The following EEF1E1 variants were observed in gnomAD, a reference collection of about 807,000 sequenced individuals.
EEF1E1 encodes eukaryotic translation elongation factor 1 epsilon 1, also known as eukaryotic translation elongation factor 1 epsilon-1.
Under a neutral mutation model 19.9 loss-of-function variants are expected in EEF1E1, and 19 were observed. That is an observed-to-expected ratio of 0.95 (90% CI 0.66 to 1.40). The LOEUF is 1.40. Among genes scored for constraint, EEF1E1 ranks in the 40% most tolerant of loss-of-function variants. The pLI, the probability that EEF1E1 is intolerant of heterozygous loss-of-function variation, is 0.00. For synonymous variants in EEF1E1, 81 were observed against 80.0 expected (o/e 1.01, Z -0.07); for missense variants, 198 against 202.2 (o/e 0.98, Z 0.13).
chr6:8,092,138 AATC>A (rs1758027925), intron 2 of EEF1E1, among the ~76,000 whole-genome samples: 1 of 152,146 alleles, frequency 6.6e-6, no homozygotes, highest in Admixed American at 6.6e-5. Context: ...TCCAGGACCT[AATC>A]ACCCCCAAAG....
chr6:8,100,053 T>C (rs1019543621), intron 1 of EEF1E1, among the ~76,000 whole-genome samples: 1 of 152,164 alleles, frequency 6.6e-6, no homozygotes, highest in African/African-American at 2.4e-5. Flanking sequence ...CTGAATCTTA[T>C]CACATATGGC....
In EEF1E1 at chr6:8,090,126, A is replaced by C. The variant is rs761429912; in HGVS notation, c.384+60T>G. 5 of 1,364,590 alleles carry C rather than the reference A, an allele frequency of 3.7e-6. No homozygotes were observed. In the East Asian group the frequency reaches 1.3e-4, roughly 35 times the overall value. The allele number at this position is 1,364,590 out of a possible 1,614,324, so 84.5% of individuals were successfully genotyped here. On this transcript the variant is annotated intron_variant, in intron 3 of 3. Transcript: ENST00000379715. ...CAAATCTGATTTAAATTCAAGACAAAGTTTTAAAAATCATTCTCAACACTA... is the reference window on the plus strand; with the variant it reads ...CAAATCTGATTTAAATTCAAGACAACGTTTTAAAAATCATTCTCAACACTA...
intron 2 of EEF1E1, among the ~76,000 whole-genome samples, chr6:8,096,670 A>T (rs1210788579): frequency 6.6e-6 from 1 of 152,206 alleles, no homozygotes; most frequent in Non-Finnish European, 1.5e-5. Flanking sequence ...CCTTCTTTTT[A>T]TATAAATAAA....
chr6:8,101,837 C>G (rs1201011240), intron 1 of EEF1E1: 5 of 1,288,880 alleles, frequency 3.9e-6, no homozygotes, highest in Non-Finnish European at 3.0e-6. Flanking sequence ...GAAACGCCTT[C>G]CCCGAATCCC....
chr6:8,098,781 T>C (rs1028238059), intron 1 of EEF1E1, among the ~76,000 whole-genome samples: 29 of 152,166 alleles, frequency 1.9e-4, no homozygotes, highest in Non-Finnish European at 2.9e-5. Context: ...TCAACATGTG[T>C]GTACTGAATG....
At chr6:8,099,673 G>A (rs987568831) in intron 1 of EEF1E1, among the ~76,000 whole-genome samples, 1 of 151,164 alleles carries the variant, frequency 6.6e-6, no homozygotes, top group East Asian at 1.9e-4. Flanking sequence ...CTTGAATCCG[G>A]GAGGCAGAGG....
At chr6:8,080,866 A>G (rs1757706301) in intron 3 of EEF1E1, among the ~76,000 whole-genome samples, 1 of 152,214 alleles carries the variant, frequency 6.6e-6, no homozygotes, top group African/African-American at 2.4e-5. Flanking sequence ...GCAGAAAGAA[A>G]TAACTCAGCC....
intron 1 of EEF1E1, among the ~76,000 whole-genome samples, chr6:8,100,268 T>C (rs1422318185): frequency 6.6e-6 from 1 of 152,320 alleles, no homozygotes; most frequent in East Asian, 1.9e-4. Context: ...TCCTTCATAA[T>C]TTATTGGTTT....
At chr6:8,077,809 T>G (rs1226478152), downstream of EEF1E1, among the ~76,000 whole-genome samples, 2 of 152,200 alleles carry the variant, frequency 1.3e-5, no homozygotes, top group Non-Finnish European at 2.9e-5. Flanking sequence ...TGATTTATTT[T>G]GAGACAGGGG....
At chr6:8,096,623 T>C (rs1758181193) in intron 2 of EEF1E1, among the ~76,000 whole-genome samples, 1 of 152,250 alleles carries the variant, frequency 6.6e-6, no homozygotes, top group African/African-American at 2.4e-5. Context: ...TCTAGGTTTC[T>C]TTCAAATTTA....
At chr6:8,099,321 T>C (rs536274565) in intron 1 of EEF1E1, among the ~76,000 whole-genome samples, 5 of 152,368 alleles carry the variant, frequency 3.3e-5, no homozygotes, top group African/African-American at 1.2e-4. Context: ...GATGCATAAA[T>C]ACTTACCATT....
chr6:8,099,785 C>CAAAA (rs1158370694), intron 1 of EEF1E1, among the ~76,000 whole-genome samples: 30 of 94,406 alleles, frequency 3.2e-4, no homozygotes, highest in East Asian at 1.0e-3. Flanking sequence ...CACACACACA[C>CAAAA]ACACACAAAA....
chr6:8,075,010 A>G (rs2113627863), downstream of EEF1E1, among the ~76,000 whole-genome samples: 2 of 152,306 alleles, frequency 1.3e-5, no homozygotes, highest in African/African-American at 4.8e-5. Flanking sequence ...AGAGTGAAAT[A>G]GTTGGGATGA....
intron 3 of EEF1E1, among the ~76,000 whole-genome samples, chr6:8,082,767 C>A (rs1234444515): frequency 6.6e-6 from 1 of 152,166 alleles, no homozygotes; most frequent in African/African-American, 2.4e-5. Context: ...TGGAACTTGT[C>A]CCTTTGAGTC....
At chr6:8,096,243 C>G (rs1297935747) in intron 2 of EEF1E1, among the ~76,000 whole-genome samples, 3 of 152,192 alleles carry the variant, frequency 2.0e-5, no homozygotes, top group Admixed American at 6.5e-5. Flanking sequence ...CCTTGGAAAA[C>G]TGTAAAAGAT....
At chr6:8,073,473 G>C (rs1449145591) in exon 4 of EEF1E1, 1 of 1,551,226 alleles carries the variant, frequency 6.4e-7, no homozygotes, top group East Asian at 2.4e-5. Context: ...TATGATGTTG[G>C]GTTAGTTCCC....
In EEF1E1 at chr6:8,091,749, A is replaced by G. The variant is rs549190029; in HGVS notation, c.289-1468T>C. On this transcript the variant is annotated intron_variant, in intron 2 of 3. Coordinates refer to ENST00000379715, the MANE Select transcript of EEF1E1 (RefSeq NM_004280.5). ...GAGAAAGGTTTTGTAAATGAGTTAT[A>G]TGAACTATTATTAAATATTCTTTGA... 5.1e-4 allele frequency among the ~76,000 whole-genome samples: 77 copies of G among 152,364 alleles called. 1 individual carries two copies. The highest frequency in any genetic ancestry group is 1.8e-3 in the African/African-American group (74 of 41,582).
intron 1 of EEF1E1, among the ~76,000 whole-genome samples, chr6:8,099,672 G>A (rs773930377): frequency 2.6e-4 from 39 of 151,252 alleles, no homozygotes; most frequent in Non-Finnish European, 4.9e-4. Context: ...CCTTGAATCC[G>A]GGAGGCAGAG....
chr6:8,101,946 CA>C (rs1019814081), intron 1 of EEF1E1: 25 of 1,250,662 alleles, frequency 2.0e-5, no homozygotes, highest in Admixed American at 7.1e-5. Context: ...TCCACCTGGC[CA>C]AAAAGCAAGC....
Sources: allele counts gnomAD v4.1 joint callset (sites outside exome capture counted in the v4.1 genomes callset), GRCh38; gene constraint gnomAD v4.1.1; transcripts MANE v1.5; gene names NCBI Gene and HGNC (gene_info 2026-07-23, HGNC 2026-07-21).